LY96: variants seen among roughly 807,000 people sequenced by gnomAD.
LY96 encodes the protein myeloid differentiation protein-2.
In LY96, 18 loss-of-function variants were observed where a neutral mutation model predicts 18.9. The ratio of observed to expected loss-of-function variants is 0.95; its 90% CI spans 0.66 to 1.41. LY96 has a LOEUF of 1.41. Among genes scored for constraint, LY96 ranks in the 40% most tolerant of loss-of-function variants. The pLI is 0.00. For missense variants in LY96, 175 were observed against 182.4 expected, an observed-to-expected ratio of 0.96 and a Z score of 0.23; for synonymous variants, 66 against 62.6, an observed-to-expected ratio of 1.06 and a Z score of -0.26.
chr8:74,096,682 T>C, the LY96 span, among the ~76,000 whole-genome samples: 7 of 152,188 alleles, frequency 4.6e-5, no homozygotes, highest in Non-Finnish European at 7.3e-5. Flanking sequence ...TAGAATGTAA[T>C]CTTCATGGGG....
chr8:74,053,430 C>T, the LY96 span, among the ~76,000 whole-genome samples: 1 of 152,178 alleles, frequency 6.6e-6, no homozygotes, highest in Admixed American at 6.5e-5. Flanking sequence ...CCATCTTCCC[C>T]TACTCCCTGT....
At chr8:74,049,068 C>T in the LY96 span, among the ~76,000 whole-genome samples, 9 of 152,146 alleles carry the variant, frequency 5.9e-5, no homozygotes, top group Non-Finnish European at 1.0e-4. Flanking sequence ...TGGAGCAGAA[C>T]GCCCAGCTTA....
chr8:74,016,006 C>T (rs888766140), intron 3 of LY96, among the ~76,000 whole-genome samples: 19 of 152,178 alleles, frequency 1.2e-4, no homozygotes, highest in Non-Finnish European at 2.4e-4. Context: ...CTCACTGGGA[C>T]TAGTTGGACA....
intron 3 of LY96, 48 bp from the exon 4 acceptor site, chr8:74,026,741 C>A: frequency 9.3e-7 from 1 of 1,070,508 alleles, no homozygotes; most frequent in Non-Finnish European, 1.4e-6. Context: ...AAAAAAATAT[C>A]ACCTAACCGT....
chr8:74,022,069 A>G (rs1816773657), intron 3 of LY96, among the ~76,000 whole-genome samples: 1 of 149,876 alleles, frequency 6.7e-6, no homozygotes, highest in Non-Finnish European at 1.5e-5. Context: ...TTAAAGTATA[A>G]TTTAAAAAAA....
chr8:74,054,196 A>C, the LY96 span, among the ~76,000 whole-genome samples: 24 of 152,054 alleles, frequency 1.6e-4, no homozygotes, highest in African/African-American at 5.5e-4. Context: ...CCAACTATTT[A>C]CAAGATTTTT....
intron 3 of LY96, among the ~76,000 whole-genome samples, chr8:74,015,469 C>T (rs1348845515): frequency 1.3e-5 from 2 of 152,142 alleles, no homozygotes; most frequent in Non-Finnish European, 2.9e-5. Context: ...TGGGTCCTTT[C>T]ACTGTGGTCT....
chr8:74,091,786 A>G, the LY96 span, among the ~76,000 whole-genome samples: 2 of 152,212 alleles, frequency 1.3e-5, no homozygotes, highest in East Asian at 1.9e-4. Flanking sequence ...GCTCTAACTG[A>G]CCAGCCAGTA....
chr8:74,076,481 A>G, the LY96 span, among the ~76,000 whole-genome samples: 1 of 151,284 alleles, frequency 6.6e-6, no homozygotes. Context: ...GCACCATCAT[A>G]CCCGGCTAAT....
At chr8:74,076,237 T>TC in the LY96 span, among the ~76,000 whole-genome samples, 1 of 151,932 alleles carries the variant, frequency 6.6e-6, no homozygotes, top group African/African-American at 2.4e-5. Context: ...CCCCTCCATG[T>TC]CTACCCCAGG....
At chr8:74,013,152 A>G (rs1165514090) in intron 3 of LY96, among the ~76,000 whole-genome samples, 1 of 151,640 alleles carries the variant, frequency 6.6e-6, no homozygotes, top group African/African-American at 2.4e-5. Context: ...TGGAGTCAGA[A>G]TCTCACTCTG....
chr8:74,065,526 G>C, the LY96 span, among the ~76,000 whole-genome samples: 1 of 152,186 alleles, frequency 6.6e-6, no homozygotes, highest in Non-Finnish European at 1.5e-5. Context: ...GCAAACATGA[G>C]TAGTTGTTGA....
chr8:74,004,319 C>T (rs1405282502), intron 1 of LY96, among the ~76,000 whole-genome samples: 2 of 152,158 alleles, frequency 1.3e-5, no homozygotes, highest in Non-Finnish European at 2.9e-5. Flanking sequence ...ACTGGCAAGA[C>T]AGAAGCCAGT....
intron 1 of LY96, among the ~76,000 whole-genome samples, chr8:74,002,573 CT>C (rs750666985): frequency 0.014 from 1,893 of 131,376 alleles, 38 homozygotes; most frequent in African/African-American, 0.045. Context: ...TTATTTATTT[CT>C]TTTTTTTTTT....
chr8:74,009,398 A>T (rs1490607796), intron 2 of LY96, among the ~76,000 whole-genome samples: 1 of 141,808 alleles, frequency 7.1e-6, no homozygotes, highest in African/African-American at 2.9e-5. Context: ...AAAAAAAAAA[A>T]AGAAGAAAAG....
chr8:74,029,059 A>C lies in LY96; in HGVS notation c.*5A>C. 2 of 1,568,772 alleles carry C rather than the reference A, an allele frequency of 1.3e-6. No homozygotes were observed. The highest frequency in any genetic ancestry group is 1.8e-6 in the Non-Finnish European group (2 of 1,141,022). On this transcript the variant is annotated 3_prime_UTR_variant, in exon 5 of 5. Transcript: ENST00000284818. ...CACCAACCTAATTCAAATTAGAATA[A>C]ATTGAGTATTTAAAAAAAAATTTAA...
chr8:74,088,093 T>TAGAAG, the LY96 span, among the ~76,000 whole-genome samples: 1 of 119,472 alleles, frequency 8.4e-6, no homozygotes, highest in Non-Finnish European at 1.8e-5. Flanking sequence ...AAGAATAGAA[T>TAGAAG]AGAATAGAAT....
At chr8:74,056,316 G>A in the LY96 span, 1 of 319,236 alleles carries the variant, frequency 3.1e-6, no homozygotes, top group Non-Finnish European at 6.0e-6. Flanking sequence ...TTTGCATTTT[G>A]CTTATGCTCA....
chr8:74,043,867 G>T, the LY96 span, among the ~76,000 whole-genome samples: 7 of 152,124 alleles, frequency 4.6e-5, no homozygotes, highest in Admixed American at 4.6e-4. Context: ...ACATGGTCTG[G>T]CTGTTACCCA....
Sources: allele counts gnomAD v4.1 joint callset (sites outside exome capture counted in the v4.1 genomes callset), GRCh38; gene constraint gnomAD v4.1.1; transcripts MANE v1.5; gene names NCBI Gene and HGNC (gene_info 2026-07-23, HGNC 2026-07-21).